Variants in DSCAM observed in about 807,000 individuals in gnomAD.
DSCAM encodes the protein DS cell adhesion molecule.
A neutral mutation model predicts 217.7 loss-of-function variants in DSCAM; 47 were observed. That is an observed-to-expected ratio of 0.22 (90% CI 0.17 to 0.28). The LOEUF (loss-of-function observed/expected upper bound fraction) is 0.28. Among genes scored for constraint, DSCAM ranks in the 10% least tolerant of loss-of-function variants. The probability of loss-of-function intolerance (pLI) is 1.00; values close to 1 mark genes in which losing one functional copy is unlikely to be tolerated. For missense variants in DSCAM, 2,080 were observed against 2,618.3 expected (o/e 0.79, Z 4.49); for synonymous variants, 1,056 against 1,015.3 (o/e 1.04, Z -0.76).
At chr21:40,763,768 C>T (rs2091359856) in intron 1 of DSCAM, among the ~76,000 whole-genome samples, 1 of 152,136 alleles carries the variant, frequency 6.6e-6, no homozygotes, top group Admixed American at 6.5e-5. Context: ...TGGAACAGAA[C>T]AGAGGCCTCA....
chr21:40,642,040 C>T (rs1480923814), intron 3 of DSCAM, among the ~76,000 whole-genome samples: 2 of 87,068 alleles, frequency 2.3e-5, no homozygotes, highest in African/African-American at 7.8e-5. Context: ...GAGACTCTGT[C>T]TCAAAAAAAA....
chr21:40,170,167 C>T (rs1450823961), intron 15 of DSCAM, among the ~76,000 whole-genome samples: 3 of 152,200 alleles, frequency 2.0e-5, no homozygotes, highest in Admixed American at 6.5e-5. Flanking sequence ...CGAGCCTTTT[C>T]CCTGGGGCTT....
chr21:40,371,330 C>T (rs537460919), intron 3 of DSCAM, among the ~76,000 whole-genome samples: 16 of 151,880 alleles, frequency 1.1e-4, no homozygotes, highest in Non-Finnish European at 2.1e-4. Context: ...ATAATGGAAA[C>T]ATTATTTCTC....
chr21:40,218,984 T>C (rs1375748671), intron 11 of DSCAM, among the ~76,000 whole-genome samples: 32 of 152,222 alleles, frequency 2.1e-4, no homozygotes, highest in Non-Finnish European at 1.8e-4. Flanking sequence ...TCTTTCCTGA[T>C]TGCTCTAGCT....
chr21:40,666,950 C>CA (rs776644946), intron 3 of DSCAM, among the ~76,000 whole-genome samples: 4 of 152,028 alleles, frequency 2.6e-5, no homozygotes, highest in East Asian at 1.9e-4. Context: ...AAGCGTTTTG[C>CA]AAAAAAGGCA....
intron 1 of DSCAM, among the ~76,000 whole-genome samples, chr21:40,810,205 C>T (rs2091825974): frequency 6.6e-6 from 1 of 152,224 alleles, no homozygotes; most frequent in Non-Finnish European, 1.5e-5. Context: ...AGCCTTCACC[C>T]TGATCCAAAT....
At chr21:40,359,964 T>C (rs982949795) in intron 4 of DSCAM, among the ~76,000 whole-genome samples, 1 of 152,188 alleles carries the variant, frequency 6.6e-6, no homozygotes, top group Non-Finnish European at 1.5e-5. Context: ...AAAACTGTTT[T>C]ACGAAACCTG....
At chr21:40,135,934 A>G (rs1030702476) in intron 18 of DSCAM, among the ~76,000 whole-genome samples, 2 of 152,248 alleles carry the variant, frequency 1.3e-5, no homozygotes, top group Non-Finnish European at 2.9e-5. Flanking sequence ...GAAGAGGGGT[A>G]AAGGGGCTCC....
chr21:40,200,872 A>C (rs1460610031), intron 11 of DSCAM, among the ~76,000 whole-genome samples: 1 of 152,222 alleles, frequency 6.6e-6, no homozygotes, highest in Non-Finnish European at 1.5e-5. Flanking sequence ...AAGTGTGATT[A>C]TCCCTGCTGC....
Position 40,338,294 on chromosome 21 carries a change from A to G in DSCAM, c.1590T>C (p.Tyr530=). 6.2e-7 allele frequency: 1 copy of G among 1,614,240 alleles called. No homozygotes were observed. Among genetic ancestry groups the G allele is most frequent in the East Asian group, 2.2e-5 (1 of 44,884 alleles). The change falls in exon 8 of 33, where the codon TAT becomes TAC. Residue 530 remains tyrosine (Y), a synonymous_variant. Coordinates refer to ENST00000400454, the MANE Select transcript of DSCAM (RefSeq NM_001389.5). ...TGTACCATTTAATGGAGTAATACGG[A>G]TAGCCAATCACACGACAGTGAATGT... The part of the protein sequence containing the change: ...DTYIHCRVIG[Y]PYYSIKWYKN...
At chr21:40,274,084 C>T (rs969213476) in intron 11 of DSCAM, among the ~76,000 whole-genome samples, 70 of 152,146 alleles carry the variant, frequency 4.6e-4, no homozygotes, top group African/African-American at 1.7e-3. Flanking sequence ...GTGTATTCTG[C>T]CAGACAGGAA....
At chr21:40,210,790 C>A (rs2091174465) in intron 11 of DSCAM, among the ~76,000 whole-genome samples, 1 of 152,216 alleles carries the variant, frequency 6.6e-6, no homozygotes, top group South Asian at 2.1e-4. Flanking sequence ...GGTGGTCCAT[C>A]CTCCTCAGCC....
chr21:40,419,056 T>C (rs9980073), intron 3 of DSCAM, among the ~76,000 whole-genome samples: 117,639 of 151,770 alleles, frequency 0.78, 45,812 homozygotes, highest in African/African-American at 0.85. Context: ...CTGCAAACTC[T>C]GCCTCCCGGG....
intron 1 of DSCAM, among the ~76,000 whole-genome samples, chr21:40,733,817 G>C (rs1002132879): frequency 1.3e-5 from 2 of 152,152 alleles, no homozygotes; most frequent in Non-Finnish European, 1.5e-5. Context: ...GGCTCCAGGG[G>C]CCTGGCTTGG....
intron 3 of DSCAM, among the ~76,000 whole-genome samples, chr21:40,555,631 T>C (rs1228959695): frequency 6.6e-6 from 1 of 152,120 alleles, no homozygotes; most frequent in Non-Finnish European, 1.5e-5. Context: ...CAACGTTTTT[T>C]GTTGTTGTTT....
chr21:40,233,887 C>T (rs760038587), intron 11 of DSCAM, among the ~76,000 whole-genome samples: 48 of 152,146 alleles, frequency 3.2e-4, no homozygotes, highest in Non-Finnish European at 5.9e-4. Flanking sequence ...AAGATGGCTC[C>T]AGGCTGTATC....
At chr21:40,242,212 T>C (rs527700738) in intron 11 of DSCAM, among the ~76,000 whole-genome samples, 36 of 151,932 alleles carry the variant, frequency 2.4e-4, no homozygotes, top group African/African-American at 7.2e-4. Context: ...AAGGAATGAA[T>C]GAACAAATGG....
intron 1 of DSCAM, among the ~76,000 whole-genome samples, chr21:40,792,135 TTC>T (rs1491124912): frequency 2.6e-5 from 2 of 78,134 alleles, no homozygotes; most frequent in African/African-American, 8.6e-5. Flanking sequence ...CTTCTTCTTC[TTC>T]TTTTTTTTTT....
At chr21:40,599,484 C>A (rs1450439453) in intron 3 of DSCAM, among the ~76,000 whole-genome samples, 1 of 152,106 alleles carries the variant, frequency 6.6e-6, no homozygotes, top group Non-Finnish European at 1.5e-5. Flanking sequence ...ATTTATAGCA[C>A]TAAATGCCCA....
Sources: allele counts gnomAD v4.1 joint callset (sites outside exome capture counted in the v4.1 genomes callset), GRCh38; gene constraint gnomAD v4.1.1; transcripts MANE v1.5; gene names NCBI Gene and HGNC (gene_info 2026-07-23, HGNC 2026-07-21).